The following PIGU variants were observed in gnomAD, a reference collection of about 807,000 sequenced individuals.
The protein encoded by PIGU is phosphatidylinositol glycan anchor biosynthesis class U.
A neutral mutation model predicts 49.9 loss-of-function variants in PIGU; 24 were observed. The ratio of observed to expected loss-of-function variants is 0.48; its 90% CI spans 0.35 to 0.68. The LOEUF is 0.68. Among genes scored for constraint, PIGU ranks in the 30% least tolerant of loss-of-function variants. The pLI, the probability that PIGU is intolerant of heterozygous loss-of-function variation, is 0.01. For synonymous variants in PIGU, 220 were observed against 205.7 expected (o/e 1.07, Z -0.59); for missense variants, 490 against 532.6 (o/e 0.92, Z 0.79).
intron 1 of PIGU, among the ~76,000 whole-genome samples, chr20:34,657,948 C>CA (rs1372108180): frequency 7.5e-6 from 1 of 134,208 alleles, no homozygotes; most frequent in African/African-American, 2.7e-5. Flanking sequence ...CCCTCTCCCT[C>CA]ACCCTCTCCC....
rs552841707 is a variant in PIGU, at chr20:34,634,531, A to G, written c.529+84T>C. 1.5e-5 allele frequency: 22 copies of G among 1,429,104 alleles called. No homozygotes were observed. In the African/African-American group the frequency reaches 3.1e-4, roughly 20 times the overall value. The allele number at this position is 1,429,104 out of a possible 1,614,324, so 88.5% of individuals were successfully genotyped here. On this transcript the variant is annotated intron_variant, in intron 6 of 11. Transcript: ENST00000217446. ...TTTTTAAGTGTTGCATTAAAAAAAA[A>G]ACAAAACAAAACCACAGCACAAGTG...
chr20:34,562,699 C>T (rs6059918), intron 11 of PIGU: 275,256 of 600,766 alleles, frequency 0.46, 65,772 homozygotes, highest in Middle Eastern at 0.51. Flanking sequence ...TGCCTGGGGC[C>T]CAGATCACTG....
chr20:34,649,994 G>A (rs557549758), intron 2 of PIGU, among the ~76,000 whole-genome samples: 11 of 150,956 alleles, frequency 7.3e-5, no homozygotes, highest in African/African-American at 2.2e-4. Flanking sequence ...GACTACAGGC[G>A]CCCGCCACCA....
chr20:34,672,027 C>T (rs1285579382), intron 1 of PIGU, among the ~76,000 whole-genome samples: 2 of 152,158 alleles, frequency 1.3e-5, no homozygotes, highest in African/African-American at 4.8e-5. Flanking sequence ...CCACCTCTGC[C>T]TCCCGGGCCC....
At chr20:34,594,021 AC>A (rs1214858145) in intron 7 of PIGU, among the ~76,000 whole-genome samples, 3 of 152,098 alleles carry the variant, frequency 2.0e-5, no homozygotes, top group African/African-American at 7.2e-5. Context: ...AACAAAAAAT[AC>A]AAAAATTAGC....
chr20:34,572,050 G>T (rs1229583729), intron 11 of PIGU, among the ~76,000 whole-genome samples: 1 of 152,146 alleles, frequency 6.6e-6, no homozygotes, highest in Non-Finnish European at 1.5e-5. Flanking sequence ...GGAAATACCT[G>T]CCAAAGGCGT....
chr20:34,565,062 C>T (rs1279992446), intron 11 of PIGU, among the ~76,000 whole-genome samples: 2 of 152,232 alleles, frequency 1.3e-5, no homozygotes, highest in African/African-American at 4.8e-5. Context: ...CCCTAGGGTG[C>T]AGCCAACACA....
At chr20:34,618,888 C>T (rs1336244720) in intron 6 of PIGU, among the ~76,000 whole-genome samples, 1 of 152,192 alleles carries the variant, frequency 6.6e-6, no homozygotes. Context: ...TAATCCAGCT[C>T]TAGAGACAAA....
intron 6 of PIGU, among the ~76,000 whole-genome samples, chr20:34,623,748 C>T (rs1237540098): frequency 6.6e-6 from 1 of 152,194 alleles, no homozygotes; most frequent in Non-Finnish European, 1.5e-5. Context: ...TATTCCTCCA[C>T]TATCTCTAGG....
chr20:34,606,715 T>C (rs1456242271), intron 7 of PIGU, among the ~76,000 whole-genome samples: 1 of 152,186 alleles, frequency 6.6e-6, no homozygotes, highest in African/African-American at 2.4e-5. Flanking sequence ...AAGAGTTGGA[T>C]TACTTAGCTA....
chr20:34,640,839 T>C (rs908828179), intron 4 of PIGU, among the ~76,000 whole-genome samples: 17 of 152,150 alleles, frequency 1.1e-4, no homozygotes, highest in African/African-American at 4.1e-4. Flanking sequence ...ATACAGCCCT[T>C]TCCTTGTCCC....
rs149229693 is a variant in PIGU at position 34,671,356 on chromosome 20, G to C, written c.130+5600C>G. Among the ~76,000 whole-genome samples the C allele has an allele frequency of 5.7e-3, 873 of 151,958 alleles. 5 individuals carry two copies. Among genetic ancestry groups the C allele is most frequent in the Non-Finnish European group, 8.9e-3 (607 of 67,980 alleles). ...GGCTCACCGCAACCTCTGCCCCCCG[G>C]GTTCAAGTGATTCTCCTGCCTCAAC... On this transcript the variant is annotated intron_variant, in intron 1 of 11. Coordinates refer to ENST00000217446, the MANE Select transcript of PIGU (RefSeq NM_080476.5).
chr20:34,644,344 A>C, intron 3 of PIGU, 118 bp from the exon 4 acceptor site: 1 of 765,986 alleles, frequency 1.3e-6, no homozygotes, highest in Non-Finnish European at 2.2e-6. Context: ...GGACTCTTAC[A>C]ATCAGGTAGA....
intron 1 of PIGU, among the ~76,000 whole-genome samples, chr20:34,671,268 TTCC>T (rs1469282685): frequency 6.6e-6 from 1 of 152,132 alleles, no homozygotes; most frequent in African/African-American, 2.4e-5. Flanking sequence ...TCTTTTCTTC[TTCC>T]TTTTTTTTTG....
chr20:34,652,280 C>T (rs567428947), intron 2 of PIGU, among the ~76,000 whole-genome samples: 1 of 152,312 alleles, frequency 6.6e-6, no homozygotes, highest in South Asian at 2.1e-4. Context: ...GCTAGGATTA[C>T]AGACATGAGC....
intron 2 of PIGU, among the ~76,000 whole-genome samples, chr20:34,647,893 T>A (rs1366879437): frequency 1.3e-5 from 2 of 152,290 alleles, no homozygotes; most frequent in East Asian, 3.9e-4. Context: ...TTTGTTCAAA[T>A]CTTCTACATC....
At position 34,575,261 on chromosome 20, in the gene PIGU, G is replaced by T. The variant is rs756890502; in HGVS notation, c.1052-15C>A. 1 of 1,612,670 alleles carries T rather than the reference G, an allele frequency of 6.2e-7. No homozygotes were observed. The highest frequency in any genetic ancestry group is 8.5e-7 in the Non-Finnish European group (1 of 1,179,072). On this transcript the variant is annotated splice_polypyrimidine_tract_variant and intron_variant, in intron 10 of 11. Coordinates refer to ENST00000217446, the MANE Select transcript of PIGU (RefSeq NM_080476.5). Reference sequence around the variant, plus strand: ...GTTTCTCAGGACTGCAAAGACAGAGGGTTACAGTTAGCCTGACACGCTCTC... The same window carrying T: ...GTTTCTCAGGACTGCAAAGACAGAGTGTTACAGTTAGCCTGACACGCTCTC...
rs541434932 is a variant in PIGU at position 34,579,907 on chromosome 20, C to T, written c.1051+1641G>A. Among the ~76,000 whole-genome samples, 6 of 152,336 alleles carry T rather than the reference C, an allele frequency of 3.9e-5. No individual in the cohort carries two copies. In the East Asian group the frequency reaches 7.7e-4, roughly 20 times the overall value. The stretch of plus-strand genomic sequence containing the variant: ...GACTCCCCTGCATAATTATTACTCA[C>T]GATACTAACTGCAGTGCTATTTACA... On this transcript the variant is annotated intron_variant, in intron 10 of 11. Transcript: ENST00000217446.
chr20:34,583,843 T>A (rs1983584969), intron 9 of PIGU, among the ~76,000 whole-genome samples: 1 of 152,136 alleles, frequency 6.6e-6, no homozygotes. Context: ...CTTTTGAGAT[T>A]TTACAGAATG....
Sources: gnomAD v4.1 joint callset for allele counts (sites outside exome capture counted in the v4.1 genomes callset) on GRCh38, gnomAD v4.1.1 for gene constraint, MANE v1.5 for transcripts, NCBI Gene and HGNC (gene_info 2026-07-23, HGNC 2026-07-21) for gene names.